Variants in ARHGAP15 observed in about 807,000 individuals in gnomAD.
The protein encoded by ARHGAP15 is rho GTPase-activating protein 15.
A neutral mutation model predicts 63.7 loss-of-function variants in ARHGAP15; 51 were observed. The observed-to-expected ratio is 0.80, with a 90% confidence interval of 0.64 to 1.01. The LOEUF (loss-of-function observed/expected upper bound fraction) is 1.01. Among genes scored for constraint, ARHGAP15 ranks in the 50% least tolerant of loss-of-function variants. ARHGAP15 has a pLI of 0.00. For synonymous variants in ARHGAP15, 191 were observed against 193.8 expected (o/e 0.99, Z 0.12); for missense variants, 560 against 564.6 (o/e 0.99, Z 0.08).
chr2:143,542,743 TA>T (rs1169377049), intron 10 of ARHGAP15, among the ~76,000 whole-genome samples: 1 of 99,042 alleles, frequency 1.0e-5, no homozygotes, highest in East Asian at 2.0e-4. Context: ...ATAATATATA[TA>T]TGATATATAT....
intron 6 of ARHGAP15, among the ~76,000 whole-genome samples, chr2:143,292,658 A>C (rs1682458854): frequency 6.6e-6 from 1 of 152,036 alleles, no homozygotes; most frequent in African/African-American, 2.4e-5. Context: ...TTTTTTCATA[A>C]ATCACTTCCA....
At chr2:143,687,010 T>C (rs1473339010) in intron 12 of ARHGAP15, among the ~76,000 whole-genome samples, 2 of 152,138 alleles carry the variant, frequency 1.3e-5, no homozygotes, top group East Asian at 3.8e-4. Context: ...AAGAATTGAG[T>C]CAACTGTCTG....
At chr2:143,161,308 C>T (rs1558784640) in intron 2 of ARHGAP15, among the ~76,000 whole-genome samples, 1 of 151,898 alleles carries the variant, frequency 6.6e-6, no homozygotes, top group Admixed American at 6.6e-5. Flanking sequence ...GCTCAATGAC[C>T]TGTGAGAGAT....
chr2:143,174,736 A>T (rs1690942816), intron 2 of ARHGAP15, among the ~76,000 whole-genome samples: 2 of 152,140 alleles, frequency 1.3e-5, no homozygotes. Flanking sequence ...GTACAGATTA[A>T]TCAGTATGGT....
chr2:143,440,436 G>A lies in ARHGAP15; in HGVS notation c.703+3394G>A, dbSNP rs535255530. On this transcript the variant is annotated intron_variant, in intron 8 of 13. Transcript: ENST00000295095. ...TAGTCTAAGCACAAACTTTATTGTC[G>A]GTTTTCTGCCTTTGGCTTCCTGTGC... Among the ~76,000 whole-genome samples the A allele has an allele frequency of 4.5e-4, 69 of 152,118 alleles. No homozygotes were observed. The South Asian group carries it at 0.013, about 29-fold the overall frequency.
chr2:143,679,635 A>C (rs1430590263), intron 12 of ARHGAP15, among the ~76,000 whole-genome samples: 9 of 141,570 alleles, frequency 6.4e-5, no homozygotes, highest in Non-Finnish European at 1.1e-4. Flanking sequence ...TATTTCTTGA[A>C]TGAGGGGGTG....
intron 12 of ARHGAP15, among the ~76,000 whole-genome samples, chr2:143,696,891 T>C (rs995546615): frequency 2.5e-4 from 38 of 152,192 alleles, no homozygotes; most frequent in Non-Finnish European, 5.9e-5. Context: ...CTGCAAGTAA[T>C]GTACCTCTCT....
At chr2:143,510,491 A>G (rs935940372) in intron 9 of ARHGAP15, among the ~76,000 whole-genome samples, 8 of 152,354 alleles carry the variant, frequency 5.3e-5, no homozygotes, top group Middle Eastern at 3.4e-3. Context: ...GTTAGAAGAC[A>G]GTCGCTTTTT....
chr2:143,628,164 C>CT (rs1466794371), intron 12 of ARHGAP15, among the ~76,000 whole-genome samples: 1 of 152,068 alleles, frequency 6.6e-6, no homozygotes, highest in Non-Finnish European at 1.5e-5. Flanking sequence ...TGATTTCATT[C>CT]TTTTTTATGG....
chr2:143,701,588 G>T (rs1483612376), intron 12 of ARHGAP15, among the ~76,000 whole-genome samples: 2 of 152,030 alleles, frequency 1.3e-5, no homozygotes, highest in South Asian at 2.1e-4. Context: ...AAAGTGAGCT[G>T]GGCATGGTGG....
At chr2:143,341,755 G>T (rs1685066181) in intron 6 of ARHGAP15, among the ~76,000 whole-genome samples, 1 of 151,972 alleles carries the variant, frequency 6.6e-6, no homozygotes, top group African/African-American at 2.4e-5. Context: ...GTACATATTG[G>T]TTTCCCTTTC....
intron 6 of ARHGAP15, among the ~76,000 whole-genome samples, chr2:143,318,509 CTTTTTTTTTT>C (rs535910161): frequency 9.0e-5 from 5 of 55,636 alleles, no homozygotes; most frequent in African/African-American, 1.4e-4. Context: ...GATTAAGGGC[CTTTTTTTTTT>C]TTTTTTTTTT....
chr2:143,706,345 G>A (rs1192381457), intron 13 of ARHGAP15: 1 of 152,148 alleles, frequency 6.6e-6, no homozygotes, highest in African/African-American at 2.4e-5. Context: ...TAGTTCTTCA[G>A]AAAATCTATC....
At chr2:143,292,136 T>C (rs1314376710) in intron 6 of ARHGAP15, among the ~76,000 whole-genome samples, 3 of 152,052 alleles carry the variant, frequency 2.0e-5, no homozygotes, top group Non-Finnish European at 2.9e-5. Context: ...CATCCTATTC[T>C]TATTTTAAAA....
chr2:143,507,231 T>C (rs1384845153), intron 9 of ARHGAP15, among the ~76,000 whole-genome samples: 2 of 152,304 alleles, frequency 1.3e-5, no homozygotes, highest in East Asian at 3.9e-4. Flanking sequence ...ACCTTCTCTT[T>C]ATCCAAAAGC....
chr2:143,625,364 G>C (rs1698795610), intron 12 of ARHGAP15, among the ~76,000 whole-genome samples: 1 of 152,130 alleles, frequency 6.6e-6, no homozygotes, highest in Non-Finnish European at 1.5e-5. Flanking sequence ...CTTCACCCTT[G>C]TTTAAAGCTC....
At chr2:143,295,831 T>C (rs1274022095) in intron 6 of ARHGAP15, 11 of 152,028 alleles carry the variant, frequency 7.2e-5, no homozygotes, top group African/African-American at 2.7e-4. Flanking sequence ...GCAGTAGTAG[T>C]GTTTATCTAA....
At chr2:143,324,611 A>C (rs79407477) in intron 6 of ARHGAP15, among the ~76,000 whole-genome samples, 2,877 of 152,240 alleles carry the variant, frequency 0.019, 95 homozygotes, top group African/African-American at 0.065. Flanking sequence ...GCTGGGAAAA[A>C]TCTGTACATT....
At chr2:143,618,634 T>G (rs1292124884) in intron 11 of ARHGAP15, among the ~76,000 whole-genome samples, 1 of 152,188 alleles carries the variant, frequency 6.6e-6, no homozygotes, top group Non-Finnish European at 1.5e-5. Flanking sequence ...AAGCACTTGT[T>G]TTTAACACAT....
Sources: allele counts gnomAD v4.1 joint callset (sites outside exome capture counted in the v4.1 genomes callset), GRCh38; gene constraint gnomAD v4.1.1; transcripts MANE v1.5; gene names NCBI Gene and HGNC (gene_info 2026-07-23, HGNC 2026-07-21).